The following TTC39B variants were observed in gnomAD, a reference collection of about 807,000 sequenced individuals.
TTC39B encodes the protein tetratricopeptide repeat protein 39B.
A neutral mutation model predicts 96.6 loss-of-function variants in TTC39B; 92 were observed. That is an observed-to-expected ratio of 0.95 (90% CI 0.80 to 1.13). The LOEUF is 1.13. TTC39B is among the 50% of genes most tolerant of loss of function. The pLI is 0.00. For synonymous variants in TTC39B, 367 were observed against 299.4 expected (o/e 1.23, Z -2.33); for missense variants, 955 against 809.3 (o/e 1.18, Z -2.18).
At chr9:15,269,743 T>C (rs1161109789) in intron 1 of TTC39B, among the ~76,000 whole-genome samples, 1 of 151,152 alleles carries the variant, frequency 6.6e-6, no homozygotes, top group Non-Finnish European at 1.5e-5. Context: ...TAATCCCAGC[T>C]ACTTGGGAGG....
At chr9:15,262,752 T>C (rs999703716) in intron 2 of TTC39B, among the ~76,000 whole-genome samples, 4 of 152,168 alleles carry the variant, frequency 2.6e-5, no homozygotes, top group African/African-American at 7.2e-5. Context: ...ATCCTTTCAT[T>C]AGGCATTCAA....
At chr9:15,282,024 C>T (rs756327673) in intron 1 of TTC39B, among the ~76,000 whole-genome samples, 1 of 151,952 alleles carries the variant, frequency 6.6e-6, no homozygotes, top group Non-Finnish European at 1.5e-5. Flanking sequence ...TCAATTATAC[C>T]GTAAAACAAA....
At chr9:15,301,496 T>G (rs1824587410) in intron 1 of TTC39B, among the ~76,000 whole-genome samples, 1 of 152,210 alleles carries the variant, frequency 6.6e-6, no homozygotes, top group Non-Finnish European at 1.5e-5. Context: ...GGCTCACGCC[T>G]ATAATCCCAG....
intron 2 of TTC39B, among the ~76,000 whole-genome samples, chr9:15,264,202 C>T (rs1168735089): frequency 6.6e-6 from 1 of 152,044 alleles, no homozygotes; most frequent in Non-Finnish European, 1.5e-5. Flanking sequence ...ACTTTAACAG[C>T]ACATGAAGGG....
At chr9:15,296,166 G>A (rs914002451) in intron 1 of TTC39B, among the ~76,000 whole-genome samples, 1 of 152,202 alleles carries the variant, frequency 6.6e-6, no homozygotes, top group African/African-American at 2.4e-5. Flanking sequence ...CAAAGAAGCT[G>A]TGACTGGTCC....
chr9:15,271,184 A>G (rs998433026), intron 1 of TTC39B, among the ~76,000 whole-genome samples: 2 of 152,186 alleles, frequency 1.3e-5, no homozygotes, highest in Non-Finnish European at 2.9e-5. Context: ...CTCTCAATGT[A>G]ATATGGTAGC....
At chr9:15,249,764 G>T (rs1163782006) in intron 2 of TTC39B, 3 of 491,246 alleles carry the variant, frequency 6.1e-6, no homozygotes, top group Non-Finnish European at 8.8e-6. Flanking sequence ...TCTTAATGAA[G>T]ACAATGTCAT....
intron 17 of TTC39B, among the ~76,000 whole-genome samples, chr9:15,178,811 C>T (rs900183599): frequency 5.9e-5 from 9 of 152,138 alleles, no homozygotes; most frequent in Non-Finnish European, 1.2e-4. Flanking sequence ...TCTGTGTTGG[C>T]TTCAATACAG....
intron 6 of TTC39B, 100 bp from the exon 7 acceptor site, chr9:15,203,990 A>G: frequency 1.9e-6 from 2 of 1,067,678 alleles, no homozygotes; most frequent in Non-Finnish European, 2.6e-6. Flanking sequence ...AACCCAAGAG[A>G]GACCCCAAAA....
At chr9:15,298,640 C>A (rs373491748) in intron 1 of TTC39B, among the ~76,000 whole-genome samples, 1 of 152,134 alleles carries the variant, frequency 6.6e-6, no homozygotes, top group Non-Finnish European at 1.5e-5. Context: ...TGGGTCCCAC[C>A]CATGACACGT....
At chr9:15,234,332 C>A (rs1821648646) in intron 2 of TTC39B, among the ~76,000 whole-genome samples, 1 of 149,736 alleles carries the variant, frequency 6.7e-6, no homozygotes, top group African/African-American at 2.5e-5. Context: ...CCCGCCCAGC[C>A]AGCCGCCCCA....
chr9:15,217,981 G>A (rs1820617505), intron 3 of TTC39B, among the ~76,000 whole-genome samples: 1 of 151,958 alleles, frequency 6.6e-6, no homozygotes, highest in Non-Finnish European at 1.5e-5. Context: ...AGGCCGAGGT[G>A]GGTGGATCAC....
rs935254507 is a variant in TTC39B at position 15,191,060 on chromosome 9, T to C, written c.996+130A>G. ...AAAACATGATCAAGAATCAAAGGCT[T>C]ATTTTCTGTCCTACAAACAAATTGC... On this transcript the variant is annotated intron_variant, in intron 10 of 19. Coordinates refer to ENST00000512701, the Ensembl canonical transcript of TTC39B. 7.2e-6 allele frequency: 5 copies of C among 697,318 alleles called. No individual in the cohort carries two copies. The African/African-American group carries it at 9.2e-5, about 13-fold the overall frequency. 43.2% of individuals were successfully genotyped at this position (697,318 alleles called of 1,614,324 possible). A position where few individuals can be genotyped will look rare whatever the true frequency, so the allele number is the denominator to read the frequency against.
intron 1 of TTC39B, among the ~76,000 whole-genome samples, chr9:15,292,416 C>G (rs1824220673): frequency 6.6e-6 from 1 of 152,144 alleles, no homozygotes; most frequent in South Asian, 2.1e-4. Context: ...AAAAGTATAG[C>G]ACATACAATT....
intron 2 of TTC39B, among the ~76,000 whole-genome samples, chr9:15,240,218 C>G (rs1384237593): frequency 6.6e-6 from 1 of 152,112 alleles, no homozygotes; most frequent in African/African-American, 2.4e-5. Flanking sequence ...GGCCTGTCAC[C>G]AGTGCATTCA....
At chr9:15,223,681 T>C (rs139235006) in intron 3 of TTC39B, among the ~76,000 whole-genome samples, 2 of 152,208 alleles carry the variant, frequency 1.3e-5, no homozygotes, top group Non-Finnish European at 2.9e-5. Flanking sequence ...AGAAGACCTA[T>C]CAATTAAAAG....
At chr9:15,188,368 T>C (rs1198989737) in intron 13 of TTC39B, among the ~76,000 whole-genome samples, 1 of 152,196 alleles carries the variant, frequency 6.6e-6, no homozygotes, top group Non-Finnish European at 1.5e-5. Context: ...GGAGGTTCCA[T>C]TCCAAGGAAG....
At chr9:15,164,052 A>C (rs1328532769) in exon 20 of TTC39B, 2 of 152,164 alleles carry the variant, frequency 1.3e-5, no homozygotes, top group Non-Finnish European at 2.9e-5. Flanking sequence ...TACATTGATA[A>C]AATGCTTTGA....
intron 5 of TTC39B, 80 bp downstream of exon 5, chr9:15,211,186 G>A: frequency 1.5e-6 from 2 of 1,369,802 alleles, no homozygotes; most frequent in Non-Finnish European, 1.9e-6. Context: ...AGAGCTTTTG[G>A]TCAGGCAAAT....
Sources: gnomAD v4.1 joint callset for allele counts (sites outside exome capture counted in the v4.1 genomes callset) on GRCh38, gnomAD v4.1.1 for gene constraint, MANE v1.5 for transcripts, NCBI Gene and HGNC (gene_info 2026-07-23, HGNC 2026-07-21) for gene names.